Variants in ZNF804B observed in about 807,000 individuals in gnomAD.
The protein encoded by ZNF804B is zinc finger protein 804B.
In ZNF804B, 80 loss-of-function variants were observed where a neutral mutation model predicts 101.4. The observed-to-expected ratio is 0.79, with a 90% confidence interval of 0.66 to 0.95. The LOEUF (loss-of-function observed/expected upper bound fraction) is 0.95, where lower values mean the gene tolerates loss of function less well. Ranked by LOEUF, ZNF804B falls within the 40% of genes least tolerant of loss-of-function variation. The probability of loss-of-function intolerance (pLI) is 0.00; values close to 1 mark genes in which losing one functional copy is unlikely to be tolerated. For missense variants in ZNF804B, 1,673 were observed against 1,561.9 expected, an observed-to-expected ratio of 1.07 and a Z score of -1.20; for synonymous variants, 622 against 558.8, an observed-to-expected ratio of 1.11 and a Z score of -1.59.
chr7:89,078,814 C>G (rs1393774111), intron 1 of ZNF804B, among the ~76,000 whole-genome samples: 1 of 151,814 alleles, frequency 6.6e-6, no homozygotes, highest in African/African-American at 2.4e-5. Context: ...TTCTAACCTC[C>G]CTTCTTCTTT....
chr7:88,871,841 G>T (rs1438979952), intron 1 of ZNF804B, among the ~76,000 whole-genome samples: 3 of 152,052 alleles, frequency 2.0e-5, no homozygotes, highest in African/African-American at 4.8e-5. Context: ...GGTGGTGCAT[G>T]CCTGTAATCC....
chr7:89,057,732 G>C (rs1041546036), intron 1 of ZNF804B, among the ~76,000 whole-genome samples: 1 of 151,920 alleles, frequency 6.6e-6, no homozygotes. Flanking sequence ...TGTGGAGTGG[G>C]GTTAGAGTAG....
In ZNF804B at chr7:89,326,784, A is replaced by AT. The variant is rs201744633; in HGVS notation, c.250-553dup. Among the ~76,000 whole-genome samples, 1,295 of 152,130 alleles carry AT rather than the reference A, an allele frequency of 8.5e-3. 20 individuals are homozygous for AT. Among genetic ancestry groups the AT allele is most frequent in the African/African-American group, 0.03 (1,228 of 41,530 alleles). ...TATTCTGAGTTTAAATCCCTGACTC[A>AT]TTTTTTTCTGTCTTCCTGGATACAA... On this transcript the variant is annotated intron_variant, in intron 2 of 3. Coordinates refer to ENST00000333190, the MANE Select transcript of ZNF804B (RefSeq NM_181646.5).
chr7:89,309,082 A>G (rs1033466128), intron 2 of ZNF804B, among the ~76,000 whole-genome samples: 4 of 152,216 alleles, frequency 2.6e-5, no homozygotes, highest in Non-Finnish European at 1.5e-5. Flanking sequence ...TAATGATCCC[A>G]TCATCCAAGT....
At chr7:89,067,810 A>T (rs10281559) in intron 1 of ZNF804B, among the ~76,000 whole-genome samples, 56,491 of 148,572 alleles carry the variant, frequency 0.38, 11,713 homozygotes, top group African/African-American at 0.55. Context: ...AACTATGCTA[A>T]TTTTTTTCTT....
rs1790654292 is a variant in ZNF804B, at chr7:89,311,870, G to A, written c.250-15474G>A. Among the ~76,000 whole-genome samples, 3 of 152,120 alleles carry A rather than the reference G, an allele frequency of 2.0e-5. No homozygotes were observed. In the South Asian group the frequency reaches 6.2e-4, roughly 32 times the overall value. ...AATGACACTACAAAGTTTAACTTTG[G>A]ATATGCCATGGGTAGAAATTAAATA... On this transcript the variant is annotated intron_variant, in intron 2 of 3. Coordinates refer to ENST00000333190, the MANE Select transcript of ZNF804B (RefSeq NM_181646.5).
At chr7:88,951,462 G>T (rs933628722) in intron 1 of ZNF804B, among the ~76,000 whole-genome samples, 6 of 151,656 alleles carry the variant, frequency 4.0e-5, no homozygotes, top group Non-Finnish European at 4.4e-5. Flanking sequence ...ACACATGCGC[G>T]TGCGCACGCG....
chr7:88,759,833 G>T lies in ZNF804B; in HGVS notation c.-144G>T. On this transcript the variant is annotated 5_prime_UTR_variant, in exon 1 of 4. Transcript: ENST00000333190. ...CCCGCACGGGGCGCGGAGCAGGGAC[G>T]CGCTGCCACCGCCTCCCCCTGCGTC... is the stretch of plus-strand genomic sequence containing the variant. 1 of 657,246 alleles carries T rather than the reference G, an allele frequency of 1.5e-6. No individual in the cohort carries two copies. Among genetic ancestry groups the T allele is most frequent in the South Asian group, 1.8e-5 (1 of 57,122 alleles). The allele number at this position is 657,246 out of a possible 1,614,324, so 40.7% of individuals were successfully genotyped here. A position where few individuals can be genotyped will look rare whatever the true frequency, so the allele number is the denominator to read the frequency against.
intron 1 of ZNF804B, among the ~76,000 whole-genome samples, chr7:89,038,749 G>A (rs902232659): frequency 6.6e-6 from 1 of 152,028 alleles, no homozygotes; most frequent in African/African-American, 2.4e-5. Flanking sequence ...ATATCAAGAA[G>A]CATTTCCCCT....
At chr7:89,049,739 T>C (rs1789165543) in intron 1 of ZNF804B, among the ~76,000 whole-genome samples, 1 of 152,080 alleles carries the variant, frequency 6.6e-6, no homozygotes, top group Admixed American at 6.6e-5. Flanking sequence ...TGGCCAGGCA[T>C]GGTGGCTCAG....
intron 1 of ZNF804B, among the ~76,000 whole-genome samples, chr7:89,202,087 T>C (rs982439915): frequency 3.9e-5 from 6 of 152,094 alleles, no homozygotes; most frequent in Non-Finnish European, 1.5e-5. Flanking sequence ...TGTATTATTA[T>C]CATGCACAGT....
chr7:89,064,896 A>G (rs957644437), intron 1 of ZNF804B, among the ~76,000 whole-genome samples: 3 of 152,162 alleles, frequency 2.0e-5, no homozygotes, highest in Non-Finnish European at 4.4e-5. Flanking sequence ...TTCACTTAAG[A>G]GTCATCGAGA....
chr7:89,167,006 A>G (rs562335693), intron 1 of ZNF804B, among the ~76,000 whole-genome samples: 69 of 152,228 alleles, frequency 4.5e-4, no homozygotes, highest in African/African-American at 1.5e-3. Context: ...TTAACTTTTT[A>G]TAATAGATTT....
chr7:89,266,877 T>TGTGTG (rs1789803563), intron 2 of ZNF804B, among the ~76,000 whole-genome samples: 31 of 150,872 alleles, frequency 2.1e-4, no homozygotes, highest in Admixed American at 4.0e-4. Flanking sequence ...GTGTCTGTGT[T>TGTGTG]TGTGTGTGTG....
intron 1 of ZNF804B, among the ~76,000 whole-genome samples, chr7:89,140,206 C>A (rs916317694): frequency 7.2e-5 from 11 of 151,938 alleles, no homozygotes; most frequent in African/African-American, 2.7e-4. Flanking sequence ...TAAAACCATG[C>A]TGTAAAAAGT....
chr7:88,819,616 A>T (rs974403991), intron 1 of ZNF804B, among the ~76,000 whole-genome samples: 2 of 152,158 alleles, frequency 1.3e-5, no homozygotes, highest in African/African-American at 2.4e-5. Context: ...GGGACACAAA[A>T]GTGCTAAGTG....
At chr7:89,202,703 G>A (rs990786463) in intron 1 of ZNF804B, among the ~76,000 whole-genome samples, 6 of 151,954 alleles carry the variant, frequency 3.9e-5, no homozygotes, top group Admixed American at 3.3e-4. Context: ...TGAATTAATT[G>A]CTCTGCCATT....
chr7:88,865,475 T>A (rs1333319846), intron 1 of ZNF804B, among the ~76,000 whole-genome samples: 1 of 152,076 alleles, frequency 6.6e-6, no homozygotes. Context: ...AAAGCTGTAG[T>A]GAGCTATGAT....
intron 2 of ZNF804B, among the ~76,000 whole-genome samples, chr7:89,325,341 T>C (rs1319767090): frequency 6.6e-6 from 1 of 152,058 alleles, no homozygotes; most frequent in Non-Finnish European, 1.5e-5. Flanking sequence ...ATTAATCTTT[T>C]AACTATTCCT....
Sources: allele counts gnomAD v4.1 joint callset (sites outside exome capture counted in the v4.1 genomes callset), GRCh38; gene constraint gnomAD v4.1.1; transcripts MANE v1.5; gene names NCBI Gene and HGNC (gene_info 2026-07-23, HGNC 2026-07-21).